Variants in ABL1 observed in about 807,000 individuals in gnomAD.
ABL1 encodes the protein tyrosine-protein kinase ABL1.
Under a neutral mutation model 94.7 loss-of-function variants are expected in ABL1, and 11 were observed. The ratio of observed to expected loss-of-function variants is 0.12; its 90% CI spans 0.07 to 0.19. The LOEUF (loss-of-function observed/expected upper bound fraction) is 0.19, where lower values mean the gene tolerates loss of function less well. ABL1 is among the 10% of genes least tolerant of loss of function. The pLI, the probability that ABL1 is intolerant of heterozygous loss-of-function variation, is 1.00. For synonymous variants in ABL1, 656 were observed against 622.4 expected, an observed-to-expected ratio of 1.05 and a Z score of -0.80; for missense variants, 1,082 against 1,489.4, an observed-to-expected ratio of 0.73 and a Z score of 4.50.
intron 3 of ABL1, among the ~76,000 whole-genome samples, chr9:130,861,699 T>C (rs1231330693): frequency 1.3e-5 from 2 of 152,250 alleles, no homozygotes; most frequent in Non-Finnish European, 2.9e-5. Flanking sequence ...GCAAGTCTTC[T>C]GAATGCCTAG....
At chr9:130,724,720 C>T in intron 1 of ABL1, 1 of 399,342 alleles carries the variant, frequency 2.5e-6, no homozygotes, top group South Asian at 1.8e-5. Context: ...GCACTCCAGC[C>T]TGGGCGACAG....
chr9:130,836,824 C>CAAAA (rs565723193), intron 1 of ABL1, among the ~76,000 whole-genome samples: 17 of 77,198 alleles, frequency 2.2e-4, no homozygotes, highest in African/African-American at 4.6e-4. Flanking sequence ...GACTCGGTCT[C>CAAAA]AAAAAAAAAA....
upstream of ABL1, chr9:130,834,958 G>C (rs59617042): frequency 2.2e-6 from 1 of 454,606 alleles, no homozygotes; most frequent in Non-Finnish European, 4.4e-6. Flanking sequence ...CCCAGGCCGC[G>C]GTGGAGTTGC....
At chr9:130,860,627 C>T (rs1190259155) in intron 3 of ABL1, among the ~76,000 whole-genome samples, 1 of 152,142 alleles carries the variant, frequency 6.6e-6, no homozygotes, top group Non-Finnish European at 1.5e-5. Flanking sequence ...CCCTGGAGCC[C>T]AGCAGGCCAC....
chr9:130,827,072 C>T (rs935851378), intron 1 of ABL1, among the ~76,000 whole-genome samples: 16 of 151,914 alleles, frequency 1.1e-4, no homozygotes, highest in Admixed American at 3.3e-4. Context: ...AGCAAGACTC[C>T]GCCTCAGAAA....
At chr9:130,737,342 A>G (rs934040270) in intron 1 of ABL1, among the ~76,000 whole-genome samples, 6 of 152,072 alleles carry the variant, frequency 3.9e-5, no homozygotes, top group African/African-American at 7.2e-5. Context: ...ATCTCAGCTC[A>G]CTGTAACCTC....
chr9:130,867,882 G>A (rs1408151122), intron 4 of ABL1, among the ~76,000 whole-genome samples: 3 of 151,640 alleles, frequency 2.0e-5, no homozygotes, highest in African/African-American at 7.3e-5. Context: ...CGAGCTTCAA[G>A]TCCCACCTCT....
intron 1 of ABL1, among the ~76,000 whole-genome samples, chr9:130,787,500 G>A (rs2132799389): frequency 6.6e-6 from 1 of 152,292 alleles, no homozygotes; most frequent in East Asian, 1.9e-4. Flanking sequence ...CCCAGGAGCA[G>A]CAGATCTTTG....
chr9:130,719,102 C>T lies in ABL1; in HGVS notation c.136+4647C>T, dbSNP rs574392685. Among the ~76,000 whole-genome samples the T allele has an allele frequency of 8.0e-4, 121 of 152,130 alleles. No individual in the cohort carries two copies. The Middle Eastern group carries it at 0.01, about 13-fold the overall frequency. ...AAAAAAGTATGGAAGGATTTTACAC[C>T]GAAATTTTTATCTCTAGGGACTTGG... On this transcript the variant is annotated intron_variant, in intron 1 of 10. Transcript: ENST00000372348.
upstream of ABL1, chr9:130,834,979 T>G (rs1273033918): frequency 2.2e-6 from 1 of 451,996 alleles, no homozygotes; most frequent in East Asian, 7.0e-5. Context: ...GCGCGGCTTC[T>G]AAAGTGGAGT....
chr9:130,718,317 CAA>C (rs35188504), intron 1 of ABL1, among the ~76,000 whole-genome samples: 3 of 73,048 alleles, frequency 4.1e-5, no homozygotes. Context: ...GACTCTGTCT[CAA>C]AAAAAAAAAA....
intron 1 of ABL1, among the ~76,000 whole-genome samples, chr9:130,752,607 C>T (rs1196512602): frequency 6.6e-6 from 1 of 152,126 alleles, no homozygotes; most frequent in African/African-American, 2.4e-5. Flanking sequence ...TCATTCATTC[C>T]TCAGAAGAAC....
At chr9:130,750,397 CT>C (rs1228104524) in intron 1 of ABL1, among the ~76,000 whole-genome samples, 5 of 96,760 alleles carry the variant, frequency 5.2e-5, no homozygotes, top group Admixed American at 1.0e-4. Flanking sequence ...CCCTCCTTCC[CT>C]TCCTCCCTCC....
chr9:130,839,708 C>G (rs1050289407), intron 1 of ABL1, among the ~76,000 whole-genome samples: 2 of 152,162 alleles, frequency 1.3e-5, no homozygotes, highest in African/African-American at 4.8e-5. Flanking sequence ...TGTTCAGCCA[C>G]CTTAGAGGAT....
rs12349354 is a variant in ABL1, at chr9:130,859,947, G to C, written c.550-2816G>C. On this transcript the variant is annotated intron_variant, in intron 3 of 10. Coordinates refer to ENST00000318560, the MANE Select transcript of ABL1 (RefSeq NM_005157.6). The stretch of plus-strand genomic sequence containing the variant: ...GCCCTCCTTGGCCTCCCAAAGTGCT[G>C]GGATTACAGGCGTGAGCCACTGCTC... Among the ~76,000 whole-genome samples the C allele has an allele frequency of 6.2e-3, 937 of 152,148 alleles. 12 individuals carry two copies. Among genetic ancestry groups the C allele is most frequent in the African/African-American group, 0.021 (879 of 41,538 alleles).
intron 1 of ABL1, among the ~76,000 whole-genome samples, chr9:130,779,238 C>T (rs571390722): frequency 6.6e-6 from 1 of 152,252 alleles, no homozygotes; most frequent in East Asian, 1.9e-4. Context: ...GCGACTGCAC[C>T]GGAGATGTGT....
intron 1 of ABL1, among the ~76,000 whole-genome samples, chr9:130,843,064 T>C (rs1830701190): frequency 6.6e-6 from 1 of 152,258 alleles, no homozygotes; most frequent in Non-Finnish European, 1.5e-5. Flanking sequence ...TCAACTTTAC[T>C]ATCTGTCATT....
exon 1 of ABL1, among the ~76,000 whole-genome samples, chr9:130,713,087 G>A (rs1009477807): frequency 3.0e-4 from 45 of 152,360 alleles, no homozygotes; most frequent in African/African-American, 8.9e-4. Flanking sequence ...TGCCTGAGCA[G>A]CGCTGGAGCC....
At chr9:130,791,929 C>A (rs1396830794) in intron 1 of ABL1, among the ~76,000 whole-genome samples, 2 of 152,094 alleles carry the variant, frequency 1.3e-5, no homozygotes, top group Non-Finnish European at 2.9e-5. Flanking sequence ...TTGGAGAATG[C>A]TGACTAATAC....
Sources: gnomAD v4.1 joint callset for allele counts (sites outside exome capture counted in the v4.1 genomes callset) on GRCh38, gnomAD v4.1.1 for gene constraint, MANE v1.5 for transcripts, NCBI Gene and HGNC (gene_info 2026-07-23, HGNC 2026-07-21) for gene names.